The following TRPM4 variants were observed in gnomAD, a reference collection of about 807,000 sequenced individuals.
TRPM4 encodes transient receptor potential cation channel subfamily M member 4.
TRPM4 carries 124 observed loss-of-function variants against 135.6 expected under a neutral mutation model. That is an observed-to-expected ratio of 0.91 (90% CI 0.79 to 1.06). The LOEUF is 1.06. Ranked by LOEUF, TRPM4 falls within the 50% of genes least tolerant of loss-of-function variation. The pLI is 0.00. For missense variants in TRPM4, 1,658 were observed against 1,671.4 expected, an observed-to-expected ratio of 0.99 and a Z score of 0.14; for synonymous variants, 745 against 705.6, an observed-to-expected ratio of 1.06 and a Z score of -0.88.
intron 19 of TRPM4, among the ~76,000 whole-genome samples, chr19:49,201,388 A>G (rs1372061830): frequency 2.0e-5 from 3 of 152,246 alleles, no homozygotes; most frequent in Non-Finnish European, 2.9e-5. Context: ...GGAACAGGCT[A>G]TGATCTAATG....
chr19:49,179,928 A>G (rs1352056660), intron 9 of TRPM4, among the ~76,000 whole-genome samples: 1 of 152,138 alleles, frequency 6.6e-6, no homozygotes, highest in East Asian at 1.9e-4. Context: ...TTACAGTGCT[A>G]TGAAGGGGGT....
chr19:49,210,234 A>G lies in TRPM4; in HGVS notation c.3157A>G (p.Asn1053Asp). The change falls in exon 21 of 25, where the codon AAC becomes GAC. Residue 1053 changes from asparagine to aspartate, a missense_variant. By Grantham distance (23) the Asn-to-Asp change is conservative (BLOSUM62 1). Around this residue, in one of 3 missense-constraint regions of TRPM4, gnomAD observed 1,412 missense variants for 1,408.7 expected, o/e 1.00. Coordinates refer to ENST00000252826, the MANE Select transcript of TRPM4 (RefSeq NM_017636.4). The surrounding 1 kb of genome is among the most constrained non-coding windows in gnomAD (Gnocchi z 4.1). ...FSYTFGKVQGNSDLYWKAQRY... is the reference protein window; with the variant it reads ...FSYTFGKVQGDSDLYWKAQRY... ...TTACACATTCGGCAAAGTACAGGGC[A>G]ACAGCGATCTCTACTGGAAGGCGCA... is the stretch of plus-strand genomic sequence containing the variant. The G allele has an allele frequency of 6.2e-7, 1 of 1,614,224 alleles. No individual in the cohort carries two copies. Among genetic ancestry groups the G allele is most frequent in the South Asian group, 1.1e-5 (1 of 91,084 alleles).
At chr19:49,163,195 ATTAT>A (rs1415426358) in intron 2 of TRPM4, among the ~76,000 whole-genome samples, 2 of 94,562 alleles carry the variant, frequency 2.1e-5, no homozygotes, top group Non-Finnish European at 5.2e-5. Flanking sequence ...TTTTATTATT[ATTAT>A]TTTTTTTTTT....
At position 49,171,612 on chromosome 19, in the gene TRPM4, G is replaced by GGC; in HGVS notation, c.893_894insGC (p.Cys298TrpfsTer59). ...AACGCCACCCAGGCTCAGCTCCCAT[G>GGC]TCTCCTCGTGGCTGGCTCAGGGGGA... is the stretch of plus-strand genomic sequence containing the variant. On this transcript the variant is annotated frameshift_variant, in exon 8 of 25. Coordinates refer to ENST00000252826, the MANE Select transcript of TRPM4 (RefSeq NM_017636.4). LOFTEE classifies it high-confidence loss of function. The surrounding 1 kb of genome is among the most constrained non-coding windows in gnomAD (Gnocchi z 4.7). 6.2e-7 allele frequency: 1 copy of GGC among 1,614,128 alleles called. No individual in the cohort carries two copies. Among genetic ancestry groups the GGC allele is most frequent in the East Asian group, 2.2e-5 (1 of 44,880 alleles).
At chr19:49,178,238 G>A (rs557003075) in intron 9 of TRPM4, among the ~76,000 whole-genome samples, 7 of 152,224 alleles carry the variant, frequency 4.6e-5, no homozygotes, top group Admixed American at 1.3e-4. Context: ...CAGGAGGATC[G>A]CTTGAGCCTG....
At chr19:49,173,279 T>C (rs1275631952) in intron 9 of TRPM4, among the ~76,000 whole-genome samples, 1 of 150,114 alleles carries the variant, frequency 6.7e-6, no homozygotes, top group Non-Finnish European at 1.5e-5. Flanking sequence ...CATCCACACA[T>C]CCACTGACAA....
Position 49,171,336 on chromosome 19 carries a change from C to T in TRPM4, c.797-21C>T, listed in dbSNP as rs1420365828. 2 of 1,614,086 alleles carry T rather than the reference C, an allele frequency of 1.2e-6. No individual in the cohort carries two copies. Among genetic ancestry groups the T allele is most frequent in the South Asian group, 1.1e-5 (1 of 91,088 alleles). The stretch of plus-strand genomic sequence containing the variant: ...AAAGGCTGATGGGAGGTAATCAAGC[C>T]CCCTTCTCTTCTTGCCTCAGGGACT... On this transcript the variant is annotated intron_variant, in intron 6 of 24. Transcript: ENST00000252826. This position sits in a 1 kb window ranked among gnomAD's most constrained non-coding sequence, Gnocchi z 4.7.
At chr19:49,184,389 T>C (rs536331051) in intron 12 of TRPM4, among the ~76,000 whole-genome samples, 1 of 151,704 alleles carries the variant, frequency 6.6e-6, no homozygotes, top group South Asian at 2.1e-4. Flanking sequence ...GTGGTTTTTA[T>C]ATTTCAGTTA....
chr19:49,167,114 C>G lies in TRPM4; in HGVS notation c.268-803C>G, dbSNP rs1157268555. ...CCTCTCTCTCTGGGTCTCTGTCCCT[C>G]TCTCTCTGGGTCTCTGTCCCTCTCT... On this transcript the variant is annotated intron_variant, in intron 3 of 24. Transcript: ENST00000252826. Among the ~76,000 whole-genome samples the G allele has an allele frequency of 1.0e-3, 131 of 125,680 alleles. 1 individual carries two copies. The highest frequency in any genetic ancestry group is 5.0e-3 in the Middle Eastern group (1 of 202). 82.5% of individuals were successfully genotyped at this position (125,680 alleles called of 152,430 possible). A position where few individuals can be genotyped will look rare whatever the true frequency, so the allele number is the denominator to read the frequency against.
Position 49,171,533 on chromosome 19 carries a change from C to T in TRPM4, c.859-45C>T. 6.2e-7 allele frequency: 1 copy of T among 1,613,212 alleles called. No individual in the cohort carries two copies. The highest frequency in any genetic ancestry group is 1.3e-5 in the African/African-American group (1 of 74,920). The stretch of plus-strand genomic sequence containing the variant: ...TCTGACTCCGGGTAGGGTGAATATC[C>T]TGCCTTTTCTGACGTGATGAATAAA... On this transcript the variant is annotated intron_variant, in intron 7 of 24. Coordinates refer to ENST00000252826, the MANE Select transcript of TRPM4 (RefSeq NM_017636.4). The surrounding 1 kb of genome is among the most constrained non-coding windows in gnomAD (Gnocchi z 4.7).
chr19:49,203,040 G>A (rs528580012), intron 20 of TRPM4, among the ~76,000 whole-genome samples: 45 of 151,838 alleles, frequency 3.0e-4, no homozygotes, highest in East Asian at 2.3e-3. Flanking sequence ...ACAGGTGCCC[G>A]CCACCACGCC....
intron 20 of TRPM4, among the ~76,000 whole-genome samples, chr19:49,203,569 G>A (rs982929846): frequency 2.0e-5 from 3 of 152,052 alleles, no homozygotes; most frequent in African/African-American, 2.4e-5. Flanking sequence ...TTTTCAATAC[G>A]TTCTATCACC....
In TRPM4 at chr19:49,179,347, A is replaced by T. The variant is rs565490003; in HGVS notation, c.1151-2002A>T. Reference sequence around the variant, plus strand: ...TGGGATTACAGGCATGAGCCACAGCATCCAGCCTATTATTATTATTTGAGA... The same window carrying T: ...TGGGATTACAGGCATGAGCCACAGCTTCCAGCCTATTATTATTATTTGAGA... On this transcript the variant is annotated intron_variant, in intron 9 of 24. Transcript: ENST00000252826. 8.8e-4 allele frequency among the ~76,000 whole-genome samples: 131 copies of T among 148,760 alleles called. 2 individuals are homozygous for T. The South Asian group carries it at 0.027, about 31-fold the overall frequency.
rs562047284 is a variant in TRPM4, at chr19:49,199,468, C to G, written c.2646-832C>G. Among the ~76,000 whole-genome samples the G allele has an allele frequency of 2.0e-5, 3 of 152,184 alleles. No individual in the cohort carries two copies. The East Asian group carries it at 5.8e-4, about 29-fold the overall frequency. On this transcript the variant is annotated intron_variant, in intron 17 of 24. Coordinates refer to ENST00000252826, the MANE Select transcript of TRPM4 (RefSeq NM_017636.4). ...TAGAGACGGGGTTTCACCGTGTTAG[C>G]CAAGATGTTCTCGATCTCCTGACCC...
At position 49,196,753 on chromosome 19, in the gene TRPM4, A is replaced by C; in HGVS notation, c.2524A>C (p.Ser842Arg). The C allele has an allele frequency of 6.5e-7, 1 of 1,549,338 alleles. No homozygotes were observed. The change falls in exon 17 of 25, where the codon AGC becomes CGC. Residue 842 changes from serine (S) to arginine (R), a missense_variant. Physicochemically the swap from Ser to Arg is moderately radical, Grantham distance 110. Transcript: ENST00000252826. ...GAGCGGAGGCGGGGGCAGCCTCGCC[A>C]GCGGGGGCCCCGGGCCTGGCCATGC... is the stretch of plus-strand genomic sequence containing the variant. ...GLSGGGGSLA[S>R]GGPGPGHASL...
In TRPM4 at chr19:49,175,067, C is replaced by CTTTTT. The variant is rs772062913; in HGVS notation, c.1150+2980_1150+2984dup. Among the ~76,000 whole-genome samples the CTTTTT allele has an allele frequency of 5.7e-3, 439 of 77,538 alleles. 21 individuals are homozygous for CTTTTT. The highest frequency in any genetic ancestry group is 6.6e-3 in the Non-Finnish European group (303 of 45,988). The allele number at this position is 77,538 out of a possible 152,430, so 50.9% of individuals were successfully genotyped here. A position where few individuals can be genotyped will look rare whatever the true frequency, so the allele number is the denominator to read the frequency against. On this transcript the variant is annotated intron_variant, in intron 9 of 24. Transcript: ENST00000252826. ...CACAGGCATGTGCCATCATGCCTGGCTTTTTTTTTTTTTTTTTTTTTTTTT... is the reference window on the plus strand; with the variant it reads ...CACAGGCATGTGCCATCATGCCTGGCTTTTTTTTTTTTTTTTTTTTTTTTTTTTTT...
chr19:49,189,200 C>T (rs1427835810), intron 14 of TRPM4, 109 bp downstream of exon 14: 10 of 1,468,494 alleles, frequency 6.8e-6, no homozygotes, highest in Non-Finnish European at 7.5e-6. Flanking sequence ...CAGCCACTCT[C>T]CCTGGAGATC....
chr19:49,164,982 A>G (rs962967910), intron 2 of TRPM4, among the ~76,000 whole-genome samples: 1 of 151,502 alleles, frequency 6.6e-6, no homozygotes, highest in African/African-American at 2.4e-5. Flanking sequence ...GGTTCAGGTG[A>G]TCCTCTGGCC....
chr19:49,204,863 C>CT (rs1969087550), intron 20 of TRPM4, among the ~76,000 whole-genome samples: 3 of 144,440 alleles, frequency 2.1e-5, no homozygotes, highest in African/African-American at 7.7e-5. Context: ...TGCCCAGCGG[C>CT]TATTTTTTTT....
Sources: gnomAD v4.1 joint callset for allele counts (sites outside exome capture counted in the v4.1 genomes callset) on GRCh38, gnomAD v4.1.1 for gene constraint, gnomAD v4.1.1 regional missense constraint, Gnocchi (gnomAD v3.1) non-coding constraint, MANE v1.5 for transcripts, NCBI Gene and HGNC (gene_info 2026-07-23, HGNC 2026-07-21) for gene names.